Variants in RALGPS1 observed in about 807,000 individuals in gnomAD.
RALGPS1 encodes ras-specific guanine nucleotide-releasing factor RalGPS1.
RALGPS1 carries 19 observed loss-of-function variants against 78.8 expected under a neutral mutation model. The ratio of observed to expected loss-of-function variants is 0.24; its 90% confidence interval spans 0.17 to 0.35. The LOEUF (loss-of-function observed/expected upper bound fraction) is 0.35, where lower values mean the gene tolerates loss of function less well. RALGPS1 is among the 10% of genes least tolerant of loss of function. RALGPS1 has a pLI of 1.00. For synonymous variants in RALGPS1, 228 were observed against 256.3 expected (o/e 0.89, Z 1.06); for missense variants, 454 against 688.3 (o/e 0.66, Z 3.81).
intron 10 of RALGPS1, among the ~76,000 whole-genome samples, chr9:127,172,450 G>A (rs1400471505): frequency 6.6e-6 from 1 of 152,214 alleles, no homozygotes; most frequent in East Asian, 1.9e-4. Flanking sequence ...AGACCATGGT[G>A]TCGTCATCTT....
intron 1 of RALGPS1, among the ~76,000 whole-genome samples, chr9:126,938,258 T>C (rs670410): frequency 0.59 from 89,093 of 152,088 alleles, 30,178 homozygotes; most frequent in East Asian, 0.81. Context: ...CAGGATATAT[T>C]GTTAGGTTTA....
chr9:126,958,962 A>G (rs1473346748), intron 1 of RALGPS1, among the ~76,000 whole-genome samples: 4 of 151,700 alleles, frequency 2.6e-5, no homozygotes, highest in Middle Eastern at 6.8e-3. Flanking sequence ...TTTGTTTTTA[A>G]TTATAGCCAT....
intron 8 of RALGPS1, among the ~76,000 whole-genome samples, chr9:127,157,413 G>C (rs1028986074): frequency 6.6e-6 from 1 of 152,016 alleles, no homozygotes; most frequent in Non-Finnish European, 1.5e-5. Context: ...GTAGATAAAA[G>C]GTTTGTATTC....
At chr9:126,935,538 A>C (rs1352631157) in intron 1 of RALGPS1, among the ~76,000 whole-genome samples, 1 of 152,254 alleles carries the variant, frequency 6.6e-6, no homozygotes, top group Non-Finnish European at 1.5e-5. Flanking sequence ...ACCTGTTTTC[A>C]CAAAAGAGGC....
rs558776122 is a variant in RALGPS1, at chr9:127,212,557, T to C, written c.1354-70T>C. On this transcript the variant is annotated intron_variant, in intron 15 of 18. Transcript: ENST00000259351. This position sits in a 1 kb window ranked among gnomAD's most constrained non-coding sequence, Gnocchi z 6.0. ...CTGGCATTGATGGGATGGCTGGGTC[T>C]GTAATCGGCCAGGGATCCTCTACCC... 3.7e-5 allele frequency: 41 copies of C among 1,122,680 alleles called. No homozygotes were observed. In the South Asian group the frequency reaches 5.6e-4, roughly 15 times the overall value. 69.5% of individuals were successfully genotyped at this position (1,122,680 alleles called of 1,614,324 possible). A position where few individuals can be genotyped will look rare whatever the true frequency, so the allele number is the denominator to read the frequency against.
intron 14 of RALGPS1, among the ~76,000 whole-genome samples, chr9:127,201,056 A>T (rs963434567): frequency 6.6e-6 from 1 of 152,246 alleles, no homozygotes; most frequent in African/African-American, 2.4e-5. Context: ...CATGACTGAG[A>T]TTAGAGCTTC....
chr9:127,081,313 A>T (rs942895279), intron 8 of RALGPS1, among the ~76,000 whole-genome samples: 1 of 152,214 alleles, frequency 6.6e-6, no homozygotes, highest in Non-Finnish European at 1.5e-5. Context: ...CTCCTACCCA[A>T]CTGATCAGCC....
intron 7 of RALGPS1, among the ~76,000 whole-genome samples, chr9:127,053,991 C>T (rs950374969): frequency 4.9e-4 from 74 of 152,164 alleles, no homozygotes; most frequent in African/African-American, 1.7e-3. Context: ...ATCAGTGCTT[C>T]GTGGAGTCCC....
At chr9:126,987,270 C>A (rs193009793) in intron 4 of RALGPS1, among the ~76,000 whole-genome samples, 195 of 152,158 alleles carry the variant, frequency 1.3e-3, no homozygotes, top group Middle Eastern at 3.4e-3. Flanking sequence ...GGAACTCACT[C>A]AATCTTGGGG....
At chr9:127,136,474 G>T (rs547325703) in intron 8 of RALGPS1, among the ~76,000 whole-genome samples, 123 of 152,298 alleles carry the variant, frequency 8.1e-4, no homozygotes, top group African/African-American at 2.9e-3. Flanking sequence ...CCACTCACTC[G>T]CTGCAGAAGT....
intron 8 of RALGPS1, among the ~76,000 whole-genome samples, chr9:127,124,294 G>A (rs913959465): frequency 1.3e-5 from 2 of 152,182 alleles, no homozygotes; most frequent in Admixed American, 6.5e-5. Flanking sequence ...TTGAAGCCCC[G>A]AGCTAAGCTG....
rs552035980 is a variant in RALGPS1, at chr9:127,016,910, G to A, written c.217-17521G>A. On this transcript the variant is annotated intron_variant, in intron 4 of 18. Transcript: ENST00000259351. ...AGTACACCTTATATTTCAATGTCAC[G>A]TCTTTTTACATCAGTTAGAGCTGTG... 9 of 152,106 alleles carry A rather than the reference G, an allele frequency of 5.9e-5. No homozygotes were observed. In the South Asian group the frequency reaches 6.2e-4, roughly 11 times the overall value. 9.4% of individuals were successfully genotyped at this position (152,106 alleles called of 1,614,324 possible).
At position 127,074,206 on chromosome 9, in the gene RALGPS1, T is replaced by A. The variant is rs1490661252; in HGVS notation, c.610+4850T>A. Among the ~76,000 whole-genome samples the A allele has an allele frequency of 2.6e-5, 4 of 152,216 alleles. No homozygotes were observed. The East Asian group carries it at 5.8e-4, about 22-fold the overall frequency. On this transcript the variant is annotated intron_variant, in intron 8 of 18. Transcript: ENST00000259351. ...CGAGATTTTAATATTTTAAGTTGCCTTGATTTAGTCATGATTCTTGCAAAC... is the reference window on the plus strand; with the variant it reads ...CGAGATTTTAATATTTTAAGTTGCCATGATTTAGTCATGATTCTTGCAAAC...
intron 2 of RALGPS1, 116 bp downstream of exon 2, chr9:126,962,462 T>A: frequency 9.5e-7 from 1 of 1,048,410 alleles, no homozygotes; most frequent in Non-Finnish European, 1.4e-6. Flanking sequence ...CCACCATTCT[T>A]AGCACTCCTA....
rs558345252 is a variant in RALGPS1, at chr9:126,916,902, AAG to A, written c.-66+1930_-66+1931del. On this transcript the variant is annotated intron_variant, in intron 1 of 18. Coordinates refer to ENST00000259351, the MANE Select transcript of RALGPS1 (RefSeq NM_014636.3). ...TGACAGGGCTTTTTCTGAATTTCAGAAGAGTGTTGTATACCCATATATGTGAC... is the reference window on the plus strand; with the variant it reads ...TGACAGGGCTTTTTCTGAATTTCAGAAGTGTTGTATACCCATATATGTGAC... Among the ~76,000 whole-genome samples the A allele has an allele frequency of 1.4e-4, 22 of 152,308 alleles. No homozygotes were observed. The East Asian group carries it at 2.7e-3, about 19-fold the overall frequency.
chr9:127,177,820 C>T, intron 11 of RALGPS1: 1 of 1,544,418 alleles, frequency 6.5e-7, no homozygotes. Context: ...AGGAGCCAGC[C>T]CTGGCCCAGC....
At chr9:126,943,288 A>C (rs776707357) in intron 1 of RALGPS1, among the ~76,000 whole-genome samples, 8 of 152,060 alleles carry the variant, frequency 5.3e-5, no homozygotes, top group Admixed American at 1.3e-4. Flanking sequence ...GATCACAGGC[A>C]TGCACCACCA....
chr9:127,091,552 G>T lies in RALGPS1; in HGVS notation c.610+22196G>T. On this transcript the variant is annotated intron_variant, in intron 8 of 18. Transcript: ENST00000259351. This position sits in a 1 kb window ranked among gnomAD's most constrained non-coding sequence, Gnocchi z 4.3. Reference sequence around the variant, plus strand: ...GGGTGGTAACAGGGTCAGGCAGCTTGGCCCAGCTGCTTCTCACCCTGGGAT... The same window carrying T: ...GGGTGGTAACAGGGTCAGGCAGCTTTGCCCAGCTGCTTCTCACCCTGGGAT... 2 of 1,387,664 alleles carry T rather than the reference G, an allele frequency of 1.4e-6. No individual in the cohort carries two copies. The highest frequency in any genetic ancestry group is 2.0e-6 in the Non-Finnish European group (2 of 1,024,956). 86.0% of individuals were successfully genotyped at this position (1,387,664 alleles called of 1,614,324 possible). A position where few individuals can be genotyped will look rare whatever the true frequency, so the allele number is the denominator to read the frequency against.
intron 4 of RALGPS1, among the ~76,000 whole-genome samples, chr9:126,988,994 G>A (rs1365469231): frequency 6.6e-6 from 1 of 152,226 alleles, no homozygotes; most frequent in South Asian, 2.1e-4. Flanking sequence ...AAGGACTCAG[G>A]AGGCCAAGGT....
Sources: allele counts gnomAD v4.1 joint callset (sites outside exome capture counted in the v4.1 genomes callset), GRCh38; gene constraint gnomAD v4.1.1; non-coding constraint Gnocchi (gnomAD v3.1); transcripts MANE v1.5; gene names NCBI Gene and HGNC (gene_info 2026-07-23, HGNC 2026-07-21).